Variants in CTNNA3 observed in about 807,000 individuals in gnomAD.
The protein encoded by CTNNA3 is catenin alpha 3, also known as catenin alpha-3.
CTNNA3 carries 76 observed loss-of-function variants against 95.7 expected under a neutral mutation model. That is an observed-to-expected ratio of 0.79 (90% confidence interval 0.66 to 0.96). CTNNA3 has a LOEUF of 0.96. CTNNA3 is among the 40% of genes least tolerant of loss of function. CTNNA3 has a pLI of 0.00. For synonymous variants in CTNNA3, 431 were observed against 374.4 expected (o/e 1.15, Z -1.74); for missense variants, 1,191 against 1,089.8 (o/e 1.09, Z -1.31).
At chr10:67,712,470 G>C (rs1227907884) in intron 1 of CTNNA3, among the ~76,000 whole-genome samples, 4 of 152,204 alleles carry the variant, frequency 2.6e-5, no homozygotes, top group Non-Finnish European at 5.9e-5. Flanking sequence ...TCATGGGCTG[G>C]GCCCAGGGTC....
chr10:67,535,331 T>A (rs2133193133), intron 4 of CTNNA3, among the ~76,000 whole-genome samples: 1 of 152,192 alleles, frequency 6.6e-6, no homozygotes, highest in Admixed American at 6.5e-5. Flanking sequence ...TTTTCATGAA[T>A]AAATTTGAAA....
Position 67,756,783 on chromosome 10 carries a change from T to G in CTNNA3, c.-2+6651A>C, listed in dbSNP as rs150946797. On this transcript the variant is annotated intron_variant, in intron 1 of 17. Coordinates refer to the CTNNA3 transcript ENST00000684154. ...CATTAGTGACAGTAACACAATATTATGAATGTAATGGAAACCACTGAATCA... is the reference window on the plus strand; with the variant it reads ...CATTAGTGACAGTAACACAATATTAGGAATGTAATGGAAACCACTGAATCA... Among the ~76,000 whole-genome samples, 15 of 152,242 alleles carry G rather than the reference T, an allele frequency of 9.9e-5. No homozygotes were observed. The East Asian group carries it at 2.9e-3, about 29-fold the overall frequency.
intron 7 of CTNNA3, among the ~76,000 whole-genome samples, chr10:67,120,059 A>G (rs1179891351): frequency 6.6e-6 from 1 of 151,976 alleles, no homozygotes; most frequent in East Asian, 1.9e-4. Flanking sequence ...ACCTTAAACT[A>G]TGAAATAGCA....
chr10:66,487,682 TTTA>T (rs1359739142), intron 11 of CTNNA3, among the ~76,000 whole-genome samples: 1 of 152,148 alleles, frequency 6.6e-6, no homozygotes, highest in Non-Finnish European at 1.5e-5. Context: ...ATATATACAA[TTTA>T]TTATTTGTCA....
chr10:67,488,882 C>T (rs1370298265), intron 5 of CTNNA3, among the ~76,000 whole-genome samples: 2 of 152,046 alleles, frequency 1.3e-5, no homozygotes, highest in East Asian at 3.9e-4. Flanking sequence ...GTTACCCAGG[C>T]TGGTCATCGC....
At chr10:66,361,566 C>T (rs763570336) in intron 12 of CTNNA3, among the ~76,000 whole-genome samples, 8 of 149,596 alleles carry the variant, frequency 5.3e-5, no homozygotes, top group Non-Finnish European at 1.0e-4. Flanking sequence ...GAGATAGGGT[C>T]TTGTTCTGTC....
chr10:66,082,968 C>G (rs963232573), intron 14 of CTNNA3, among the ~76,000 whole-genome samples: 4 of 152,064 alleles, frequency 2.6e-5, no homozygotes, highest in Admixed American at 2.6e-4. Flanking sequence ...AGTCTCATCT[C>G]CCAACACGGT....
At chr10:66,248,056 A>C (rs72799114) in intron 13 of CTNNA3, among the ~76,000 whole-genome samples, 8,669 of 152,272 alleles carry the variant, frequency 0.057, 315 homozygotes, top group South Asian at 0.12. Flanking sequence ...CATCTTTTCA[A>C]GACATAGTAC....
intron 5 of CTNNA3, among the ~76,000 whole-genome samples, chr10:67,428,068 T>C (rs1455335555): frequency 1.3e-5 from 2 of 152,046 alleles, no homozygotes; most frequent in Non-Finnish European, 2.9e-5. Context: ...AAGAGGAAAA[T>C]AGGACCCAAT....
At chr10:66,826,861 A>C (rs1227351831) in intron 7 of CTNNA3, among the ~76,000 whole-genome samples, 1 of 152,194 alleles carries the variant, frequency 6.6e-6, no homozygotes, top group Non-Finnish European at 1.5e-5. Context: ...CAGAAACCTA[A>C]ATAAACTTAA....
At chr10:66,893,715 C>A (rs1845363122) in intron 7 of CTNNA3, among the ~76,000 whole-genome samples, 1 of 152,054 alleles carries the variant, frequency 6.6e-6, no homozygotes, top group East Asian at 1.9e-4. Flanking sequence ...TACTCAAATT[C>A]AATGCAAGAT....
At chr10:66,334,503 G>T (rs2092371696) in intron 12 of CTNNA3, among the ~76,000 whole-genome samples, 1 of 151,768 alleles carries the variant, frequency 6.6e-6, no homozygotes, top group Non-Finnish European at 1.5e-5. Context: ...GCTTAGTTTG[G>T]CTGGATGTGA....
At chr10:65,996,164 T>C (rs950172669) in intron 15 of CTNNA3, among the ~76,000 whole-genome samples, 3 of 152,064 alleles carry the variant, frequency 2.0e-5, no homozygotes, top group African/African-American at 7.2e-5. Context: ...GTGTCCAGAA[T>C]TGGTGGAAGC....
rs116033689 is a variant in CTNNA3 at position 66,281,673 on chromosome 10, G to C, written c.1733-1052C>G. On this transcript the variant is annotated intron_variant, in intron 12 of 17. Transcript: ENST00000433211. The stretch of plus-strand genomic sequence containing the variant: ...TAAACCTGGAAGATAGAAATATTTT[G>C]ACTGGTATAAAAATATCAATAAATG... Among the ~76,000 whole-genome samples the C allele has an allele frequency of 8.0e-3, 1,222 of 151,928 alleles. 13 individuals are homozygous for C. The highest frequency in any genetic ancestry group is 0.028 in the African/African-American group (1,163 of 41,518).
chr10:66,381,429 T>G (rs2092837693), intron 11 of CTNNA3, among the ~76,000 whole-genome samples: 1 of 152,194 alleles, frequency 6.6e-6, no homozygotes, highest in South Asian at 2.1e-4. Flanking sequence ...ATTATTTACT[T>G]TTAAAAATAT....
chr10:66,018,040 C>T (rs895406385), intron 15 of CTNNA3, among the ~76,000 whole-genome samples: 1 of 151,932 alleles, frequency 6.6e-6, no homozygotes, highest in African/African-American at 2.4e-5. Flanking sequence ...AATGATTGGT[C>T]CTATAGAGGT....
chr10:66,527,628 G>C (rs1288532842), intron 10 of CTNNA3, among the ~76,000 whole-genome samples: 4 of 152,036 alleles, frequency 2.6e-5, no homozygotes, highest in Non-Finnish European at 5.9e-5. Context: ...CAAAGGAAAA[G>C]ACATTCAGGT....
intron 10 of CTNNA3, among the ~76,000 whole-genome samples, chr10:66,611,639 T>C (rs757605153): frequency 6.6e-6 from 1 of 152,156 alleles, no homozygotes; most frequent in East Asian, 1.9e-4. Flanking sequence ...TTGGTTAAGA[T>C]GACTGCTCAC....
chr10:67,321,575 C>G (rs980271344), intron 5 of CTNNA3, among the ~76,000 whole-genome samples: 2 of 152,166 alleles, frequency 1.3e-5, no homozygotes, highest in Middle Eastern at 3.2e-3. Context: ...TTTGACCATA[C>G]CATGTAGATT....
Sources: gnomAD v4.1 joint callset for allele counts (sites outside exome capture counted in the v4.1 genomes callset) on GRCh38, gnomAD v4.1.1 for gene constraint, MANE v1.5 for transcripts, NCBI Gene and HGNC (gene_info 2026-07-23, HGNC 2026-07-21) for gene names.